The following BRD10 variants were observed in gnomAD, a reference collection of about 807,000 sequenced individuals.
The protein encoded by BRD10 is bromodomain containing 10.
chr9:5,957,314 T>C, the BRD10 span, among the ~76,000 whole-genome samples: 1 of 152,186 alleles, frequency 6.6e-6, no homozygotes, highest in Non-Finnish European at 1.5e-5. Context: ...GGATTCTAAC[T>C]ACAAAGTCTA....
chr9:5,921,635 G>T, the BRD10 span: 1 of 1,613,920 alleles, frequency 6.2e-7, no homozygotes, highest in South Asian at 1.1e-5. Flanking sequence ...TGTTGCTTCT[G>T]ACCTTGTAAC....
the BRD10 span, chr9:5,891,229 C>T: frequency 6.6e-6 from 1 of 152,208 alleles, no homozygotes; most frequent in Non-Finnish European, 1.5e-5. Context: ...ACTTAAAGAA[C>T]CACTTCTCCT....
chr9:5,919,538 ATT>A, the BRD10 span: 3 of 695,512 alleles, frequency 4.3e-6, no homozygotes, highest in East Asian at 5.5e-5. Flanking sequence ...GAAAAGATAC[ATT>A]AAAACACACA....
the BRD10 span, among the ~76,000 whole-genome samples, chr9:5,912,457 G>T: frequency 6.6e-6 from 1 of 152,034 alleles, no homozygotes; most frequent in African/African-American, 2.4e-5. Flanking sequence ...GTTGGGGTGG[G>T]GGGTTGGGGA....
At chr9:5,889,583 G>A in the BRD10 span, among the ~76,000 whole-genome samples, 4 of 152,086 alleles carry the variant, frequency 2.6e-5, no homozygotes, top group African/African-American at 9.7e-5. Context: ...TCAGGAGATC[G>A]AGACCATCCT....
chr9:5,902,423 G>A, the BRD10 span, among the ~76,000 whole-genome samples: 1 of 151,478 alleles, frequency 6.6e-6, no homozygotes, highest in East Asian at 1.9e-4. Context: ...ATCAGCATTT[G>A]GTTTCATTGA....
the BRD10 span, chr9:5,892,694 G>C: frequency 3.4e-5 from 22 of 642,878 alleles, no homozygotes; most frequent in African/African-American, 4.1e-4. Context: ...ACAAGGGGAG[G>C]AGATTCTGTG....
the BRD10 span, chr9:5,897,515 A>G: frequency 6.5e-7 from 1 of 1,533,500 alleles, no homozygotes; most frequent in Non-Finnish European, 9.0e-7. Flanking sequence ...ATGTAGAACA[A>G]TGTTTCAATG....
the BRD10 span, chr9:5,919,466 A>C: frequency 2.1e-6 from 1 of 482,234 alleles, no homozygotes; most frequent in Non-Finnish European, 3.6e-6. Flanking sequence ...TCCTCAGAAC[A>C]GTAAGTGAAA....
the BRD10 span, chr9:5,922,769 A>T: frequency 6.2e-7 from 1 of 1,614,018 alleles, no homozygotes; most frequent in Admixed American, 1.7e-5. Context: ...TTGAAGATCT[A>T]TTGGCAACCA....
At chr9:5,921,509 A>C in the BRD10 span, 1 of 1,613,864 alleles carries the variant, frequency 6.2e-7, no homozygotes, top group Non-Finnish European at 8.5e-7. Flanking sequence ...TGTAGATGTC[A>C]GCGCAGGTGT....
At chr9:5,898,587 T>C in the BRD10 span, among the ~76,000 whole-genome samples, 1 of 152,190 alleles carries the variant, frequency 6.6e-6, no homozygotes, top group Non-Finnish European at 1.5e-5. Flanking sequence ...CTGGATGTTG[T>C]GTGTAGCTAA....
the BRD10 span, among the ~76,000 whole-genome samples, chr9:5,959,512 A>G: frequency 6.6e-6 from 1 of 152,214 alleles, no homozygotes; most frequent in African/African-American, 2.4e-5. Context: ...TAAGCACTCA[A>G]TGAGTACTCG....
At chr9:5,940,502 T>C in the BRD10 span, among the ~76,000 whole-genome samples, 13 of 152,204 alleles carry the variant, frequency 8.5e-5, no homozygotes, top group Non-Finnish European at 1.5e-4. Context: ...CTATTGTGTA[T>C]GTTCTTAAAA....
the BRD10 span, among the ~76,000 whole-genome samples, chr9:5,923,947 T>C: frequency 6.6e-6 from 1 of 152,182 alleles, no homozygotes; most frequent in Non-Finnish European, 1.5e-5. Flanking sequence ...TAGATTTACA[T>C]AACGTAATCT....
At chr9:5,905,327 G>A in the BRD10 span, among the ~76,000 whole-genome samples, 3 of 152,166 alleles carry the variant, frequency 2.0e-5, no homozygotes, top group African/African-American at 4.8e-5. Flanking sequence ...TGACGGGAAG[G>A]GAGGTGAGAG....
chr9:5,973,568 G>A, the BRD10 span, among the ~76,000 whole-genome samples: 4 of 152,146 alleles, frequency 2.6e-5, no homozygotes, highest in African/African-American at 9.7e-5. Flanking sequence ...ACAGACCAAA[G>A]AAACACAAAT....
At chr9:5,985,416 C>A in the BRD10 span, among the ~76,000 whole-genome samples, 294 of 152,272 alleles carry the variant, frequency 1.9e-3, 1 homozygote, top group African/African-American at 6.8e-3. Flanking sequence ...TCCAAAAACA[C>A]TGAAAATGAA....
chr9:5,963,916 A>C, the BRD10 span, among the ~76,000 whole-genome samples: 2 of 151,864 alleles, frequency 1.3e-5, no homozygotes, highest in African/African-American at 4.8e-5. Context: ...AAGATGGATT[A>C]AAGATTTAAA....
Sources: allele counts gnomAD v4.1 joint callset (sites outside exome capture counted in the v4.1 genomes callset), GRCh38; gene constraint gnomAD v4.1.1; transcripts MANE v1.5; gene names NCBI Gene and HGNC (gene_info 2026-07-23, HGNC 2026-07-21).